RIMBP2: variants seen among roughly 807,000 people sequenced by gnomAD.
The protein encoded by RIMBP2 is RIMS-binding protein 2.
RIMBP2 carries 48 observed loss-of-function variants against 118.6 expected under a neutral mutation model. The observed-to-expected ratio is 0.40, with a 90% CI of 0.32 to 0.51. The LOEUF (loss-of-function observed/expected upper bound fraction) is 0.51, where lower values mean the gene tolerates loss of function less well. RIMBP2 is among the 20% of genes least tolerant of loss of function. The pLI is 0.41. For missense variants in RIMBP2, 1,551 were observed against 1,768.3 expected (o/e 0.88, Z 2.20); for synonymous variants, 762 against 742.9 (o/e 1.03, Z -0.42).
intron 1 of RIMBP2, among the ~76,000 whole-genome samples, chr12:130,696,315 G>A (rs2065575397): frequency 6.6e-6 from 1 of 152,226 alleles, no homozygotes; most frequent in Non-Finnish European, 1.5e-5. Flanking sequence ...GGGAGTCTGG[G>A]GGATGTGTGT....
intron 7 of RIMBP2, among the ~76,000 whole-genome samples, chr12:130,452,733 G>C (rs1413785988): frequency 6.6e-6 from 1 of 152,194 alleles, no homozygotes; most frequent in East Asian, 1.9e-4. Context: ...CTGTCCTCCA[G>C]CGTTCCGAGA....
At chr12:130,517,095 G>A (rs183478783) in intron 3 of RIMBP2, among the ~76,000 whole-genome samples, 4 of 152,246 alleles carry the variant, frequency 2.6e-5, no homozygotes, top group Non-Finnish European at 4.4e-5. Context: ...TTTAAGAGGT[G>A]ACTGAATCAT....
At position 130,578,667 on chromosome 12, in the gene RIMBP2, C is replaced by T. The variant is rs1355144664; in HGVS notation, c.-217+49655G>A. 6.6e-6 allele frequency among the ~76,000 whole-genome samples: 1 copy of T among 152,170 alleles called. No individual in the cohort carries two copies. Among genetic ancestry groups the T allele is most frequent in the East Asian group, 1.9e-4 (1 of 5,188 alleles). On this transcript the variant is annotated intron_variant, in intron 2 of 22. Transcript: ENST00000690449. This position sits in a 1 kb window ranked among gnomAD's most constrained non-coding sequence, Gnocchi z 4.1. ...TGACATTCAGCTCTCAGCGCAAATGCCCCCTTCTCAGAGACTTCCCCTCGC... is the reference window on the plus strand; with the variant it reads ...TGACATTCAGCTCTCAGCGCAAATGTCCCCTTCTCAGAGACTTCCCCTCGC...
rs2061052887 is a variant in RIMBP2 at position 130,617,977 on chromosome 12, A to G, written c.-217+10345T>C. Among the ~76,000 whole-genome samples the G allele has an allele frequency of 4.5e-5, 6 of 132,526 alleles. No homozygotes were observed. In the South Asian group the frequency reaches 1.6e-3, roughly 35 times the overall value. The allele number at this position is 132,526 out of a possible 152,430, so 86.9% of individuals were successfully genotyped here. ...GACGCTGAGGCGGGAGGATCACTTGAGCCCAGGAGTTTGAGACCAGCCTGG... is the reference window on the plus strand; with the variant it reads ...GACGCTGAGGCGGGAGGATCACTTGGGCCCAGGAGTTTGAGACCAGCCTGG... On this transcript the variant is annotated intron_variant, in intron 2 of 22. Coordinates refer to ENST00000690449, the MANE Select transcript of RIMBP2 (RefSeq NM_001393629.1). This position sits in a 1 kb window ranked among gnomAD's most constrained non-coding sequence, Gnocchi z 4.6.
At chr12:130,522,955 T>G (rs947255722) in intron 2 of RIMBP2, among the ~76,000 whole-genome samples, 47 of 152,172 alleles carry the variant, frequency 3.1e-4, no homozygotes, top group African/African-American at 1.1e-3. Flanking sequence ...TGCCTGCCTC[T>G]CTTTCCCCCT....
intron 1 of RIMBP2, among the ~76,000 whole-genome samples, chr12:130,669,757 G>A (rs886593531): frequency 6.6e-6 from 1 of 152,134 alleles, no homozygotes; most frequent in African/African-American, 2.4e-5. Flanking sequence ...CTCTTTCCTA[G>A]TGCCTGTGGT....
intron 2 of RIMBP2, among the ~76,000 whole-genome samples, chr12:130,585,012 G>A (rs1019534091): frequency 1.2e-4 from 18 of 151,934 alleles, no homozygotes; most frequent in South Asian, 6.2e-4. Context: ...TACCTCCTGC[G>A]TAGCTAGAAT....
Position 130,399,680 on chromosome 12 carries a change from C to T in RIMBP2, c.3899G>A (p.Arg1300Lys). The T allele has an allele frequency of 1.2e-6, 2 of 1,614,096 alleles. No homozygotes were observed. The highest frequency in any genetic ancestry group is 1.7e-6 in the Non-Finnish European group (2 of 1,179,970). The change falls in exon 22 of 23, where the codon AGG becomes AAG. Residue 1300 changes from arginine (R) to lysine (K), a missense_variant and splice_region_variant. Arg to Lys is a conservative substitution (Grantham distance 26, BLOSUM62 2). This residue lies in a region of RIMBP2 where 1,038 missense variants were observed against 1,125.1 expected (regional missense o/e 0.92). Transcript: ENST00000690449. The part of the protein sequence containing the change: ...QDTPMRSKAK[R>K]VPPEGSGTAR... Reference sequence around the variant, plus strand: ...AAAAGGCTAAATAGGTTTGCTTACCCTTTTTGCCTTTGAGCGCATTGGCGT... The same window carrying T: ...AAAAGGCTAAATAGGTTTGCTTACCTTTTTTGCCTTTGAGCGCATTGGCGT...
intron 1 of RIMBP2, among the ~76,000 whole-genome samples, chr12:130,628,887 A>G (rs1041853863): frequency 2.0e-5 from 3 of 152,206 alleles, no homozygotes; most frequent in Admixed American, 2.0e-4. Context: ...TCAAGATGTG[A>G]CTGATGCCCA....
At chr12:130,539,018 T>G (rs1198230034) in intron 2 of RIMBP2, among the ~76,000 whole-genome samples, 1 of 152,198 alleles carries the variant, frequency 6.6e-6, no homozygotes, top group Non-Finnish European at 1.5e-5. Flanking sequence ...GTCGATGATC[T>G]TCAGTGGCTT....
At chr12:130,401,877 G>A (rs1318989995) in intron 21 of RIMBP2, among the ~76,000 whole-genome samples, 1 of 152,076 alleles carries the variant, frequency 6.6e-6, no homozygotes, top group African/African-American at 2.4e-5. Context: ...AGTGTGTTCT[G>A]TGAACACACA....
At chr12:130,538,150 G>T (rs535539078) in intron 2 of RIMBP2, among the ~76,000 whole-genome samples, 40 of 152,072 alleles carry the variant, frequency 2.6e-4, no homozygotes, top group Non-Finnish European at 4.7e-4. Context: ...TGACCGTGGA[G>T]ATGTTTTACG....
At chr12:130,597,328 C>T (rs934902875) in intron 2 of RIMBP2, among the ~76,000 whole-genome samples, 7 of 152,232 alleles carry the variant, frequency 4.6e-5, no homozygotes, top group Non-Finnish European at 1.0e-4. Context: ...ACTGCAACCT[C>T]TGCCTCCTGG....
intron 4 of RIMBP2, among the ~76,000 whole-genome samples, chr12:130,503,761 T>TCCAG (rs2050033276): frequency 6.6e-6 from 1 of 152,234 alleles, no homozygotes; most frequent in Admixed American, 6.5e-5. Context: ...TTCTTTTCTG[T>TCCAG]CCAGCCTCCC....
At chr12:130,476,311 A>G (rs1393698277) in intron 5 of RIMBP2, among the ~76,000 whole-genome samples, 1 of 152,128 alleles carries the variant, frequency 6.6e-6, no homozygotes. Context: ...AGAAAGAGAG[A>G]AGAGGGTCAC....
chr12:130,713,084 A>G (rs1950034349), intron 1 of RIMBP2, among the ~76,000 whole-genome samples: 1 of 149,890 alleles, frequency 6.7e-6, no homozygotes. Flanking sequence ...AGAGAAAAGG[A>G]AAGAAAAAAC....
chr12:130,415,978 CAA>C (rs1555240438), intron 17 of RIMBP2, among the ~76,000 whole-genome samples: 2 of 151,896 alleles, frequency 1.3e-5, no homozygotes, highest in African/African-American at 2.4e-5. Flanking sequence ...CACACACACA[CAA>C]AATATACAGA....
intron 4 of RIMBP2, among the ~76,000 whole-genome samples, chr12:130,491,714 C>A (rs1264587780): frequency 6.6e-6 from 1 of 152,212 alleles, no homozygotes; most frequent in African/African-American, 2.4e-5. Flanking sequence ...CACCCTGACA[C>A]CGGGCTTCCG....
intron 2 of RIMBP2, among the ~76,000 whole-genome samples, chr12:130,548,507 C>T (rs2055389229): frequency 6.6e-6 from 1 of 152,106 alleles, no homozygotes; most frequent in African/African-American, 2.4e-5. Flanking sequence ...CCTTAAAATT[C>T]CATCTCTGAT....
Sources: allele counts gnomAD v4.1 joint callset (sites outside exome capture counted in the v4.1 genomes callset), GRCh38; gene constraint gnomAD v4.1.1; regional missense constraint gnomAD v4.1.1; non-coding constraint Gnocchi (gnomAD v3.1); transcripts MANE v1.5; gene names NCBI Gene and HGNC (gene_info 2026-07-23, HGNC 2026-07-21).